Variants in C11orf65 observed in about 807,000 individuals in gnomAD.
The protein encoded by C11orf65 is protein MFI.
C11orf65 carries 38 observed loss-of-function variants against 35.3 expected under a neutral mutation model. That is an observed-to-expected ratio of 1.08 (90% CI 0.83 to 1.41). The LOEUF (loss-of-function observed/expected upper bound fraction) is 1.41. Ranked by LOEUF, C11orf65 falls within the 40% of genes most tolerant of loss-of-function variation. The probability of loss-of-function intolerance (pLI) is 0.00; values close to 1 mark genes in which losing one functional copy is unlikely to be tolerated. For synonymous variants in C11orf65, 105 were observed against 114.4 expected, an observed-to-expected ratio of 0.92 and a Z score of 0.53; for missense variants, 370 against 367.1, an observed-to-expected ratio of 1.01 and a Z score of -0.06.
intron 2 of C11orf65, among the ~76,000 whole-genome samples, chr11:108,357,215 C>T (rs1186547977): frequency 1.3e-5 from 2 of 152,190 alleles, no homozygotes; most frequent in African/African-American, 4.8e-5. Context: ...TCACTCCCAC[C>T]CGAATATTGC....
At chr11:108,439,770 A>G (rs2093120919) in intron 2 of C11orf65, among the ~76,000 whole-genome samples, 2 of 152,330 alleles carry the variant, frequency 1.3e-5, no homozygotes, top group African/African-American at 4.8e-5. Context: ...AGGAAAATTC[A>G]CAGAGACACA....
intron 2 of C11orf65, among the ~76,000 whole-genome samples, chr11:108,375,568 C>T (rs1252595110): frequency 6.6e-6 from 1 of 152,048 alleles, no homozygotes; most frequent in Admixed American, 6.5e-5. Context: ...TAGGAAGAAA[C>T]TGCATCAACT....
chr11:108,388,055 C>T (rs868731807), intron 7 of C11orf65, among the ~76,000 whole-genome samples: 54 of 152,308 alleles, frequency 3.5e-4, no homozygotes, highest in Admixed American at 2.2e-3. Context: ...AGACTTTGTG[C>T]TTTCAGTGGT....
At chr11:108,372,070 T>C (rs1433221958) in intron 2 of C11orf65, among the ~76,000 whole-genome samples, 1 of 152,238 alleles carries the variant, frequency 6.6e-6, no homozygotes, top group East Asian at 1.9e-4. Flanking sequence ...TTAACCTTGT[T>C]AGGAGATCGT....
chr11:108,450,014 C>CA (rs1386157912), intron 2 of C11orf65, among the ~76,000 whole-genome samples: 1 of 151,816 alleles, frequency 6.6e-6, no homozygotes, highest in East Asian at 1.9e-4. Context: ...TTTATGCAGC[C>CA]AAAAAACACA....
intron 2 of C11orf65, chr11:108,366,055 C>G: frequency 6.2e-6 from 1 of 162,372 alleles, no homozygotes; most frequent in Non-Finnish European, 1.3e-5. Context: ...AAAACAGAAA[C>G]GTATTTGGAT....
chr11:108,329,324 T>C, downstream of C11orf65: 1 of 1,205,320 alleles, frequency 8.3e-7, no homozygotes, highest in South Asian at 1.3e-5. Context: ...CTTGGTCTTT[T>C]TATCTGATAT....
chr11:108,370,432 A>T (rs1448431882), intron 2 of C11orf65, among the ~76,000 whole-genome samples: 1 of 151,448 alleles, frequency 6.6e-6, no homozygotes, highest in Non-Finnish European at 1.5e-5. Context: ...TCAGAAATGG[A>T]ATTGTTAGAT....
chr11:108,350,938 C>G (rs374443), intron 2 of C11orf65, among the ~76,000 whole-genome samples: 94,573 of 152,042 alleles, frequency 0.62, 29,734 homozygotes, highest in Middle Eastern at 0.76. Context: ...CACTCCAACA[C>G]AAATGCATAC....
At chr11:108,332,811 G>C (rs2136564878) in intron 3 of C11orf65, 2 of 1,613,402 alleles carry the variant, frequency 1.2e-6, no homozygotes, top group South Asian at 1.1e-5. Context: ...AGAAGTAGGA[G>C]ACCTCAGATG....
At chr11:108,356,667 GA>G (rs1397161809) in intron 2 of C11orf65, among the ~76,000 whole-genome samples, 2 of 152,090 alleles carry the variant, frequency 1.3e-5, no homozygotes, top group Non-Finnish European at 2.9e-5. Flanking sequence ...GTGGATTTGG[GA>G]GTTTCTTCCA....
chr11:108,332,124 G>A (rs2136535862), intron 3 of C11orf65: 2 of 1,531,180 alleles, frequency 1.3e-6, no homozygotes, highest in Non-Finnish European at 1.8e-6. Context: ...GTGTTATTAA[G>A]ATGCCATCTA....
intron 3 of C11orf65, among the ~76,000 whole-genome samples, chr11:108,420,286 T>C (rs1184004797): frequency 2.6e-5 from 4 of 152,198 alleles, no homozygotes; most frequent in African/African-American, 9.6e-5. Flanking sequence ...AAGATGCTTA[T>C]ATGAAGTTTG....
At chr11:108,353,487 A>C (rs1179931029) in intron 2 of C11orf65, among the ~76,000 whole-genome samples, 3 of 152,168 alleles carry the variant, frequency 2.0e-5, no homozygotes, top group African/African-American at 7.2e-5. Flanking sequence ...TCCATTTTAA[A>C]TTATACCAGT....
chr11:108,327,611 C>T (rs771460194), downstream of C11orf65: 4 of 1,516,450 alleles, frequency 2.6e-6, no homozygotes, highest in South Asian at 4.5e-5. Flanking sequence ...CATGGTAATG[C>T]ATTATATTTT....
rs1271923660 is a variant in C11orf65 at position 108,358,599 on chromosome 11, G to A, written c.227-23307C>T. 6.3e-3 allele frequency among the ~76,000 whole-genome samples: 784 copies of A among 124,668 alleles called. 13 individuals are homozygous for A. The highest frequency in any genetic ancestry group is 0.022 in the African/African-American group (715 of 32,678). 81.8% of individuals were successfully genotyped at this position (124,668 alleles called of 152,430 possible). On this transcript the variant is annotated intron_variant, in intron 2 of 3. Transcript: ENST00000524755. Reference sequence around the variant, plus strand: ...CCATCAGACTAACAGCAGATCTCTCGGCAGAAACCCTACAAGCCAGAAGAG... The same window carrying A: ...CCATCAGACTAACAGCAGATCTCTCAGCAGAAACCCTACAAGCCAGAAGAG...
Position 108,405,525 on chromosome 11 carries a change from T to A in C11orf65, c.464A>T (p.Asp155Val). Residue 155 changes from aspartate to valine, a missense_variant, in exon 6 of 9, where the codon GAC (aspartate) becomes GTC (valine). Transcript: ENST00000393084. ...WLSTDGMVVEDKKESEFHFSK... is the reference protein window; with the variant it reads ...WLSTDGMVVEVKKESEFHFSK... Reference sequence around the variant, plus strand: ...GAAATGGAATTCACTTTCCTTTTTGTCTTCCACCACCATACCATCAGTAGA... The same window carrying A: ...GAAATGGAATTCACTTTCCTTTTTGACTTCCACCACCATACCATCAGTAGA... 1 of 1,613,584 alleles carries A rather than the reference T, an allele frequency of 6.2e-7. No individual in the cohort carries two copies.
At chr11:108,408,111 C>T (rs1430848751) in intron 3 of C11orf65, among the ~76,000 whole-genome samples, 8 of 150,822 alleles carry the variant, frequency 5.3e-5, no homozygotes, top group East Asian at 1.9e-4. Flanking sequence ...CATGCTGGTG[C>T]GCTGCACCCA....
intron 2 of C11orf65, chr11:108,367,984 A>C (rs1366802040): frequency 2.4e-5 from 5 of 205,462 alleles, no homozygotes; most frequent in Admixed American, 6.0e-5. Flanking sequence ...CAACTAGATA[A>C]TAGTATAGAT....
Sources: allele counts gnomAD v4.1 joint callset (sites outside exome capture counted in the v4.1 genomes callset), GRCh38; gene constraint gnomAD v4.1.1; transcripts MANE v1.5; gene names NCBI Gene and HGNC (gene_info 2026-07-23, HGNC 2026-07-21).